The following SGK3 variants were observed in gnomAD, a reference collection of about 807,000 sequenced individuals.
SGK3 encodes serum/glucocorticoid regulated kinase family member 3.
SGK3 carries 47 observed loss-of-function variants against 68.5 expected under a neutral mutation model. The observed-to-expected ratio is 0.69, with a 90% CI of 0.54 to 0.87. The LOEUF (loss-of-function observed/expected upper bound fraction) is 0.87. Ranked by LOEUF, SGK3 falls within the 40% of genes least tolerant of loss-of-function variation. The pLI is 0.00. For missense variants in SGK3, 479 were observed against 575.5 expected (o/e 0.83, Z 1.72); for synonymous variants, 181 against 189.1 (o/e 0.96, Z 0.35).
intron 1 of SGK3, among the ~76,000 whole-genome samples, chr8:66,746,191 G>T (rs1247027292): frequency 2.6e-5 from 4 of 152,104 alleles, no homozygotes; most frequent in Non-Finnish European, 4.4e-5. Context: ...TTCCTGTCTG[G>T]TGTTCTCTGC....
chr8:66,740,144 T>G (rs1805437946), intron 1 of SGK3, among the ~76,000 whole-genome samples: 1 of 152,232 alleles, frequency 6.6e-6, no homozygotes, highest in Non-Finnish European at 1.5e-5. Context: ...CCAGATTTCA[T>G]TCTCTGTACT....
At chr8:66,744,079 A>G (rs1805558704) in intron 1 of SGK3, among the ~76,000 whole-genome samples, 1 of 152,168 alleles carries the variant, frequency 6.6e-6, no homozygotes, top group Non-Finnish European at 1.5e-5. Context: ...TAGATCACAT[A>G]GTCTAATAGC....
intron 13 of SGK3, among the ~76,000 whole-genome samples, chr8:66,841,810 A>G (rs2130726519): frequency 6.6e-6 from 1 of 152,342 alleles, no homozygotes; most frequent in South Asian, 2.1e-4. Context: ...CAAAAAAAGT[A>G]TCTATTTGTG....
chr8:66,717,591 C>A (rs560241317), intron 1 of SGK3, among the ~76,000 whole-genome samples: 1 of 152,282 alleles, frequency 6.6e-6, no homozygotes, highest in East Asian at 1.9e-4. Flanking sequence ...GTAGGACTCA[C>A]TGATTAGCCA....
In SGK3 at chr8:66,859,669, T is replaced by TAG; in HGVS notation, c.*89_*90insGA. The TAG allele has an allele frequency of 7.5e-7, 1 of 1,338,360 alleles. No homozygotes were observed. Among genetic ancestry groups the TAG allele is most frequent in the South Asian group, 2.2e-5 (1 of 45,512 alleles). The allele number at this position is 1,338,360 out of a possible 1,614,324, so 82.9% of individuals were successfully genotyped here. A position where few individuals can be genotyped will look rare whatever the true frequency, so the allele number is the denominator to read the frequency against. On this transcript the variant is annotated 3_prime_UTR_variant, in exon 17 of 17. Transcript: ENST00000521198. The stretch of plus-strand genomic sequence containing the variant: ...TTGTGTGAATATATTCAAATATGTA[T>TAG]AACTAGTGCCTCATTTTTATATGTA...
chr8:66,767,600 T>A (rs1806359607), intron 1 of SGK3: 1 of 1,369,838 alleles, frequency 7.3e-7, no homozygotes, highest in Non-Finnish European at 1.0e-6. Context: ...AGATGTGCAA[T>A]CTGGTGCTCT....
At chr8:66,740,379 C>T (rs987814890) in intron 1 of SGK3, among the ~76,000 whole-genome samples, 2 of 152,204 alleles carry the variant, frequency 1.3e-5, no homozygotes, top group African/African-American at 2.4e-5. Flanking sequence ...GCATCATTGA[C>T]TTCCTTTACT....
chr8:66,769,510 C>G (rs1027380777), intron 1 of SGK3, among the ~76,000 whole-genome samples: 5 of 152,232 alleles, frequency 3.3e-5, no homozygotes, highest in African/African-American at 1.2e-4. Context: ...AGGTGCGGGT[C>G]ACCGCACCCG....
intron 1 of SGK3, among the ~76,000 whole-genome samples, chr8:66,730,679 C>G (rs1028641366): frequency 1.3e-5 from 2 of 149,528 alleles, no homozygotes; most frequent in Admixed American, 6.6e-5. Context: ...CCAGTTGTCT[C>G]AGCACTGTTT....
chr8:66,751,551 C>T (rs1446619406), intron 1 of SGK3, among the ~76,000 whole-genome samples: 1 of 151,898 alleles, frequency 6.6e-6, no homozygotes, highest in Non-Finnish European at 1.5e-5. Flanking sequence ...TTGAGCACAT[C>T]TTATAATTAT....
chr8:66,759,491 G>A (rs1806089998), intron 1 of SGK3, among the ~76,000 whole-genome samples: 1 of 150,854 alleles, frequency 6.6e-6, no homozygotes, highest in South Asian at 2.1e-4. Flanking sequence ...GAGTGCACTG[G>A]CATGATCTTG....
At chr8:66,721,783 G>A (rs1804800809) in intron 1 of SGK3, among the ~76,000 whole-genome samples, 1 of 151,214 alleles carries the variant, frequency 6.6e-6, no homozygotes, top group South Asian at 2.1e-4. Flanking sequence ...TGAATAGAAT[G>A]TTTTGGTCTT....
chr8:66,819,885 T>G (rs1585765410), intron 5 of SGK3, among the ~76,000 whole-genome samples: 2 of 152,094 alleles, frequency 1.3e-5, no homozygotes, highest in Admixed American at 1.3e-4. Context: ...TGGCACCATC[T>G]TGGCTCACAG....
chr8:66,764,557 A>G (rs1806262592), intron 1 of SGK3, among the ~76,000 whole-genome samples: 1 of 151,890 alleles, frequency 6.6e-6, no homozygotes. Context: ...TACAGCCTCA[A>G]CCTCCTGGGT....
In SGK3 at chr8:66,841,028, ATGT is replaced by A; in HGVS notation, c.900_902del (p.Val301del). ...TACTGCCCCTGTATTTGTCAGGGAC[ATGT>A]TGTCTTAACAGATTTTGGGCTTTGT... On this transcript the variant is annotated inframe_deletion, in exon 13 of 17. Coordinates refer to ENST00000521198, the MANE Select transcript of SGK3 (RefSeq NM_001033578.3). 6 of 1,594,316 alleles carry A rather than the reference ATGT, an allele frequency of 3.8e-6. No homozygotes were observed. The highest frequency in any genetic ancestry group is 5.1e-6 in the Non-Finnish European group (6 of 1,171,946).
At chr8:66,803,970 G>C (rs1469839387) in intron 3 of SGK3, among the ~76,000 whole-genome samples, 1 of 152,104 alleles carries the variant, frequency 6.6e-6, no homozygotes, top group Non-Finnish European at 1.5e-5. Context: ...AAAACACCAA[G>C]ATCATATCTT....
chr8:66,765,543 G>A (rs1806289318), intron 1 of SGK3, among the ~76,000 whole-genome samples: 1 of 152,004 alleles, frequency 6.6e-6, no homozygotes, highest in Non-Finnish European at 1.5e-5. Flanking sequence ...GTTGAAAGTT[G>A]AGGTCATTGA....
At position 66,843,526 on chromosome 8, in the gene SGK3, G is replaced by C. The variant is rs746114991; in HGVS notation, c.1053G>C (p.Leu351=). ...TVDWWCLGAV[L]YEMLYGLPPF... ...ATTGGTGGTGCCTTGGGGCTGTTCT[G>C]TATGAAATGCTGTATGGATTGGTAT... Residue 351 remains leucine, a synonymous_variant, in exon 14 of 17, where the codon CTG becomes CTC. Coordinates refer to ENST00000521198, the MANE Select transcript of SGK3 (RefSeq NM_001033578.3). The C allele has an allele frequency of 3.1e-6, 5 of 1,613,946 alleles. No homozygotes were observed. Among genetic ancestry groups the C allele is most frequent in the Non-Finnish European group, 4.2e-6 (5 of 1,179,966 alleles).
intron 1 of SGK3, among the ~76,000 whole-genome samples, chr8:66,736,884 G>A (rs112582455): frequency 5.3e-5 from 8 of 151,876 alleles, no homozygotes; most frequent in African/African-American, 1.9e-4. Context: ...CTCCCAAAGT[G>A]CTGGGATTAC....
Sources: gnomAD v4.1 joint callset for allele counts (sites outside exome capture counted in the v4.1 genomes callset) on GRCh38, gnomAD v4.1.1 for gene constraint, MANE v1.5 for transcripts, NCBI Gene and HGNC (gene_info 2026-07-23, HGNC 2026-07-21) for gene names.